The following DISP3 variants were observed in gnomAD, a reference collection of about 807,000 sequenced individuals.
DISP3 encodes the protein dispatched RND transporter family member 3.
A neutral mutation model predicts 135.3 loss-of-function variants in DISP3; 101 were observed. The ratio of observed to expected loss-of-function variants is 0.75; its 90% CI spans 0.64 to 0.88. DISP3 has a LOEUF of 0.88. Ranked by LOEUF, DISP3 falls within the 40% of genes least tolerant of loss-of-function variation. The pLI, the probability that DISP3 is intolerant of heterozygous loss-of-function variation, is 0.00. For synonymous variants in DISP3, 856 were observed against 817.0 expected, an observed-to-expected ratio of 1.05 and a Z score of -0.81; for missense variants, 1,713 against 1,878.6, an observed-to-expected ratio of 0.91 and a Z score of 1.63.
intron 11 of DISP3, among the ~76,000 whole-genome samples, 196 bp downstream of exon 11, chr1:11,524,251 C>T (rs1198589963): frequency 4.6e-5 from 7 of 151,994 alleles, no homozygotes; most frequent in African/African-American, 7.3e-5. Context: ...AGTAGGCTCC[C>T]GCGACACCCT....
At position 11,501,416 on chromosome 1, in the gene DISP3, G is replaced by A. The variant is rs1303874871; in HGVS notation, c.424G>A (p.Asp142Asn). The A allele has an allele frequency of 1.9e-6, 3 of 1,595,706 alleles. No homozygotes were observed. The highest frequency in any genetic ancestry group is 1.7e-6 in the Non-Finnish European group (2 of 1,171,552). Residue 142 changes from aspartate to asparagine, a missense_variant, in exon 2 of 21, where the codon GAC becomes AAC. This residue lies in a region of DISP3 where 571 missense variants were observed against 494.1 expected (regional missense o/e 1.16). Coordinates refer to ENST00000294484, the MANE Select transcript of DISP3 (RefSeq NM_020780.2). The surrounding 1 kb of genome is among the most constrained non-coding windows in gnomAD (Gnocchi z 4.9). ...SWGRNRRDLADFTSETLQRLI... is the reference protein window; with the variant it reads ...SWGRNRRDLANFTSETLQRLI... ...GGGGCGGAACCGGCGCGATTTGGCCGACTTCACCTCCGAGACGCTTCAGCG... is the reference window on the plus strand; with the variant it reads ...GGGGCGGAACCGGCGCGATTTGGCCAACTTCACCTCCGAGACGCTTCAGCG...
intron 1 of DISP3, chr1:11,481,475 TTGACAC>T (rs1640903224): frequency 6.6e-6 from 1 of 152,222 alleles, no homozygotes; most frequent in Non-Finnish European, 1.5e-5. Context: ...GGCTTGCCCT[TTGACAC>T]CTCTCCTGCT....
Position 11,483,827 on chromosome 1 carries a change from C to T in DISP3, c.-4+4455C>T, listed in dbSNP as rs1266788036. 2.0e-5 allele frequency among the ~76,000 whole-genome samples: 3 copies of T among 152,180 alleles called. No homozygotes were observed. Among genetic ancestry groups the T allele is most frequent in the Non-Finnish European group, 2.9e-5 (2 of 68,036 alleles). ...CCTTGGAGTGTGAAAGACAACTTAA[C>T]TCTGTAAGAGGTCAAGGATATGAGA... On this transcript the variant is annotated intron_variant, in intron 1 of 20. Transcript: ENST00000294484. This position sits in a 1 kb window ranked among gnomAD's most constrained non-coding sequence, Gnocchi z 5.4.
chr1:11,503,014 C>T (rs1641596369), intron 3 of DISP3, 117 bp downstream of exon 3: 1 of 963,176 alleles, frequency 1.0e-6, no homozygotes, highest in African/African-American at 1.7e-5. Context: ...GTCTTTCTTT[C>T]CAAATTGGGG....
In DISP3 at chr1:11,483,154, G is replaced by A. The variant is rs995857114; in HGVS notation, c.-4+3782G>A. ...CTCACTCTCTGCCTGGCCGCTGGGA[G>A]ACCAGACAGCCGCACTCCACTCTGC... is the stretch of plus-strand genomic sequence containing the variant. On this transcript the variant is annotated intron_variant, in intron 1 of 20. Coordinates refer to ENST00000294484, the MANE Select transcript of DISP3 (RefSeq NM_020780.2). The surrounding 1 kb of genome is among the most constrained non-coding windows in gnomAD (Gnocchi z 5.4). Among the ~76,000 whole-genome samples the A allele has an allele frequency of 1.3e-5, 2 of 152,260 alleles. No individual in the cohort carries two copies. Among genetic ancestry groups the A allele is most frequent in the African/African-American group, 4.8e-5 (2 of 41,468 alleles).
chr1:11,505,959 C>G (rs1641686140), intron 3 of DISP3, among the ~76,000 whole-genome samples: 1 of 152,148 alleles, frequency 6.6e-6, no homozygotes, highest in Non-Finnish European at 1.5e-5. Flanking sequence ...GATAAATTCT[C>G]TGTTTTGTTT....
Position 11,520,999 on chromosome 1 carries a change from A to C in DISP3, c.2362+151A>C. The C allele has an allele frequency of 1.9e-6, 2 of 1,035,336 alleles. No individual in the cohort carries two copies. The highest frequency in any genetic ancestry group is 2.7e-6 in the Non-Finnish European group (2 of 735,674). The allele number at this position is 1,035,336 out of a possible 1,614,324, so 64.1% of individuals were successfully genotyped here. A position where few individuals can be genotyped will look rare whatever the true frequency, so the allele number is the denominator to read the frequency against. On this transcript the variant is annotated intron_variant, in intron 10 of 20. Coordinates refer to ENST00000294484, the MANE Select transcript of DISP3 (RefSeq NM_020780.2). This position sits in a 1 kb window ranked among gnomAD's most constrained non-coding sequence, Gnocchi z 4.8. ...CTGAGCCCCCATGTTCCCACAGTTC[A>C]TTCAACAGATGCCTGCTGGGTGCCT...
In DISP3 at chr1:11,531,846, ATAGT is replaced by A. The variant is rs1642584756; in HGVS notation, c.3375+141_3375+144del. On this transcript the variant is annotated intron_variant, in intron 17 of 20. Coordinates refer to ENST00000294484, the MANE Select transcript of DISP3 (RefSeq NM_020780.2). This position sits in a 1 kb window ranked among gnomAD's most constrained non-coding sequence, Gnocchi z 5.2. ...GGTGGAGTGACTTGCCTGAGGTCACATAGTTAGTGGGTGTCAGTGTCGAGTGTGA... is the reference window on the plus strand; with the variant it reads ...GGTGGAGTGACTTGCCTGAGGTCACATAGTGGGTGTCAGTGTCGAGTGTGA... 4.8e-6 allele frequency: 6 copies of A among 1,258,148 alleles called. No individual in the cohort carries two copies. In the African/African-American group the frequency reaches 7.6e-5, roughly 16 times the overall value. 77.9% of individuals were successfully genotyped at this position (1,258,148 alleles called of 1,614,324 possible).
rs372733155 is a variant in DISP3, at chr1:11,501,706, C to T, written c.714C>T (p.Pro238=). 257 of 1,601,128 alleles carry T rather than the reference C, an allele frequency of 1.6e-4. No individual in the cohort carries two copies. The African/African-American group carries it at 3.3e-3, about 20-fold the overall frequency. ...GGCGGTACCAGCCCAGCATCCCGCC[C>T]CACGCGGCAGTCGCGGCCAATCAGA... ...KNGRYQPSIP[P]HAAVAANQSR... Residue 238 remains proline, a synonymous_variant, in exon 2 of 21, where the codon CCC becomes CCT. Transcript: ENST00000294484. This position sits in a 1 kb window ranked among gnomAD's most constrained non-coding sequence, Gnocchi z 4.9.
intron 3 of DISP3, among the ~76,000 whole-genome samples, chr1:11,509,636 T>A (rs112312847): frequency 5.5e-4 from 84 of 152,392 alleles, no homozygotes; most frequent in African/African-American, 1.8e-3. Context: ...AATTATCTTC[T>A]TTGCCCCTAG....
chr1:11,534,218 T>G (rs1642647430), intron 17 of DISP3, among the ~76,000 whole-genome samples, 163 bp from the exon 18 acceptor site: 1 of 152,168 alleles, frequency 6.6e-6, no homozygotes. Context: ...ACATGATGCC[T>G]CCAGAAGCTG....
At chr1:11,512,441 G>A (rs750187472) in intron 3 of DISP3, among the ~76,000 whole-genome samples, 5 of 152,112 alleles carry the variant, frequency 3.3e-5, no homozygotes, top group African/African-American at 4.8e-5. Flanking sequence ...CAGATCTCTA[G>A]GGCAGTAGCA....
intron 3 of DISP3, among the ~76,000 whole-genome samples, chr1:11,509,182 T>G (rs1641788215): frequency 6.6e-6 from 1 of 152,160 alleles, no homozygotes; most frequent in African/African-American, 2.4e-5. Flanking sequence ...AGTGTGTTAT[T>G]TAGTTTTCGA....
intron 6 of DISP3, among the ~76,000 whole-genome samples, chr1:11,517,124 G>A (rs913824540): frequency 6.0e-5 from 9 of 150,618 alleles, no homozygotes; most frequent in East Asian, 2.1e-4. Context: ...CTGGTCTAGC[G>A]GGATGTGTCT....
In DISP3 at chr1:11,520,838, C is replaced by T. The variant is rs923263600; in HGVS notation, c.2352C>T (p.Ile784=). Residue 784 remains isoleucine (I), a synonymous_variant, in exon 10 of 21, where the codon ATC becomes ATT. Coordinates refer to ENST00000294484, the MANE Select transcript of DISP3 (RefSeq NM_020780.2). This position sits in a 1 kb window ranked among gnomAD's most constrained non-coding sequence, Gnocchi z 4.8. Reference sequence around the variant, plus strand: ...TGAGCGCCGAGGGCATCTCCTGCATCACCTGTTCAGGTGAGGCTTCTAGCC... The same window carrying T: ...TGAGCGCCGAGGGCATCTCCTGCATTACCTGTTCAGGTGAGGCTTCTAGCC... The part of the protein sequence containing the change: ...YNLSAEGISC[I]TCSGLFQEKP... 5 of 1,604,660 alleles carry T rather than the reference C, an allele frequency of 3.1e-6. No individual in the cohort carries two copies. Among genetic ancestry groups the T allele is most frequent in the Non-Finnish European group, 4.3e-6 (5 of 1,175,666 alleles).
In DISP3 at chr1:11,530,946, G is replaced by C. The variant is rs1201071534; in HGVS notation, c.3142G>C (p.Glu1048Gln). Residue 1048 changes from glutamate to glutamine, a missense_variant, in exon 16 of 21, where the codon GAA (glutamate) becomes CAA (glutamine). Glu to Gln is a conservative substitution (Grantham distance 29). Coordinates refer to ENST00000294484, the MANE Select transcript of DISP3 (RefSeq NM_020780.2). Reference protein sequence around the residue: ...VYDSSFDLFKEIGHLCHLCKA... With the variant: ...VYDSSFDLFKQIGHLCHLCKA... ...CGACAGCAGCTTTGACCTCTTCAAGGAAATTGGGCACCTGTGTCACCTCTG... is the reference window on the plus strand; with the variant it reads ...CGACAGCAGCTTTGACCTCTTCAAGCAAATTGGGCACCTGTGTCACCTCTG... 3.1e-6 allele frequency: 5 copies of C among 1,614,074 alleles called. No homozygotes were observed. The South Asian group carries it at 5.5e-5, about 18-fold the overall frequency.
intron 1 of DISP3, among the ~76,000 whole-genome samples, chr1:11,493,397 A>T (rs1003249348): frequency 1.3e-5 from 2 of 152,198 alleles, no homozygotes; most frequent in African/African-American, 4.8e-5. Context: ...CTCATTAGTG[A>T]GAACCATCTG....
At chr1:11,515,017 T>C (rs1210930145) in intron 4 of DISP3, among the ~76,000 whole-genome samples, 2 of 152,206 alleles carry the variant, frequency 1.3e-5, no homozygotes, top group Non-Finnish European at 2.9e-5. Context: ...GGAAAAGACA[T>C]TCATTCGTCC....
intron 11 of DISP3, among the ~76,000 whole-genome samples, chr1:11,524,650 C>A (rs1171106138): frequency 9.7e-5 from 14 of 144,780 alleles, no homozygotes; most frequent in African/African-American, 3.6e-4. Context: ...TCCCTCCTAC[C>A]CCATCCCTGT....
Sources: gnomAD v4.1 joint callset for allele counts (sites outside exome capture counted in the v4.1 genomes callset) on GRCh38, gnomAD v4.1.1 for gene constraint, gnomAD v4.1.1 regional missense constraint, Gnocchi (gnomAD v3.1) non-coding constraint, MANE v1.5 for transcripts, NCBI Gene and HGNC (gene_info 2026-07-23, HGNC 2026-07-21) for gene names.